The following CUBN variants were observed in gnomAD, a reference collection of about 807,000 sequenced individuals.
CUBN encodes 460 kDa receptor.
A neutral mutation model predicts 405.3 loss-of-function variants in CUBN; 282 were observed. The observed-to-expected ratio is 0.70, with a 90% CI of 0.63 to 0.77. The LOEUF is 0.77. CUBN is among the 30% of genes least tolerant of loss of function. CUBN has a pLI of 0.00. For missense variants in CUBN, 4,514 were observed against 4,475.2 expected (o/e 1.01, Z -0.25); for synonymous variants, 1,684 against 1,617.0 (o/e 1.04, Z -0.99).
At chr10:17,002,455 A>ATTT (rs11435297) in intron 28 of CUBN, among the ~76,000 whole-genome samples, 1 of 151,238 alleles carries the variant, frequency 6.6e-6, no homozygotes, top group East Asian at 1.9e-4. Flanking sequence ...TTTGAGGGTT[A>ATTT]TTTTTTTTTC....
chr10:16,990,644 C>A (rs776442878), intron 28 of CUBN, 129 bp from the exon 29 acceptor site: 5 of 715,154 alleles, frequency 7.0e-6, no homozygotes, highest in African/African-American at 1.8e-5. Flanking sequence ...CGTTAAGTTA[C>A]AATAAAGTTA....
chr10:17,070,254 T>C (rs1256174454), intron 19 of CUBN, among the ~76,000 whole-genome samples: 2 of 152,256 alleles, frequency 1.3e-5, no homozygotes, highest in East Asian at 3.8e-4. Context: ...AATAAGATAC[T>C]GTCTTGATTA....
intron 40 of CUBN, 36 bp from the exon 41 acceptor site, chr10:16,928,339 T>A: frequency 6.2e-7 from 1 of 1,608,892 alleles, no homozygotes; most frequent in Non-Finnish European, 8.5e-7. Flanking sequence ...TGAAAATACA[T>A]CTTGAGAATC....
intron 10 of CUBN, among the ~76,000 whole-genome samples, chr10:17,108,381 A>ATG (rs34953406): frequency 6.2e-4 from 94 of 150,982 alleles, no homozygotes; most frequent in East Asian, 1.4e-3. Context: ...TCACAAGTAT[A>ATG]TGTGTGTGTG....
intron 50 of CUBN, among the ~76,000 whole-genome samples, chr10:16,905,050 A>G (rs1272275588): frequency 6.6e-6 from 1 of 152,198 alleles, no homozygotes; most frequent in Non-Finnish European, 1.5e-5. Flanking sequence ...GGTAATTAAC[A>G]TTGACCTCTC....
At chr10:16,861,798 G>A (rs1286657916) in intron 59 of CUBN, among the ~76,000 whole-genome samples, 4 of 152,056 alleles carry the variant, frequency 2.6e-5, no homozygotes, top group Non-Finnish European at 5.9e-5. Flanking sequence ...GAACATCCAA[G>A]TACCATAGAT....
chr10:16,855,342 CG>C (rs1397907222), intron 59 of CUBN, among the ~76,000 whole-genome samples: 1 of 152,000 alleles, frequency 6.6e-6, no homozygotes, highest in Non-Finnish European at 1.5e-5. Context: ...CTTAGCCCTA[CG>C]ACTTGCTTTA....
chr10:17,094,600 C>G (rs1836333192), intron 14 of CUBN, among the ~76,000 whole-genome samples: 2 of 151,930 alleles, frequency 1.3e-5, no homozygotes, highest in Non-Finnish European at 2.9e-5. Flanking sequence ...AGTTGCATTT[C>G]TATACATTAA....
At chr10:16,932,461 T>C (rs1371115503) in intron 40 of CUBN, among the ~76,000 whole-genome samples, 1 of 152,050 alleles carries the variant, frequency 6.6e-6, no homozygotes, top group Non-Finnish European at 1.5e-5. Context: ...TTTATGTCTC[T>C]AACTTTATGT....
rs957929670 is a variant in CUBN, at chr10:17,075,073, CTTTTTTTTTTTTTTTT to C, written c.2302-3118_2302-3103del. Among the ~76,000 whole-genome samples the C allele has an allele frequency of 6.1e-5, 4 of 65,320 alleles. No homozygotes were observed. In the South Asian group the frequency reaches 2.0e-3, roughly 32 times the overall value. 42.9% of individuals were successfully genotyped at this position (65,320 alleles called of 152,430 possible). On this transcript the variant is annotated intron_variant, in intron 17 of 66. Coordinates refer to ENST00000377833, the MANE Select transcript of CUBN (RefSeq NM_001081.4). ...TAAAGAGAAGATTTTTCTTTGTTTT[CTTTTTTTTTTTTTTTT>C]TTTTTTTTTTTTGAGATGAAGTCTC...
chr10:16,971,284 G>C (rs1331383716), intron 31 of CUBN, among the ~76,000 whole-genome samples: 1 of 152,168 alleles, frequency 6.6e-6, no homozygotes, highest in Admixed American at 6.5e-5. Context: ...TGGACTTTGG[G>C]GTACGTTTCC....
intron 27 of CUBN, among the ~76,000 whole-genome samples, chr10:17,029,922 G>A (rs1215906838): frequency 6.6e-6 from 1 of 152,222 alleles, no homozygotes; most frequent in African/African-American, 2.4e-5. Flanking sequence ...TTACAACTGG[G>A]AAGGCTGCTC....
chr10:16,984,085 A>G lies in CUBN; in HGVS notation c.4525+20T>C. The G allele has an allele frequency of 6.2e-7, 1 of 1,613,970 alleles. No homozygotes were observed. The highest frequency in any genetic ancestry group is 8.5e-7 in the Non-Finnish European group (1 of 1,179,842). The stretch of plus-strand genomic sequence containing the variant: ...AGGGCTCGGCTTAAGTACTTTAGGA[A>G]ACCTCCTTTTCTCACTCACCTCCAG... On this transcript the variant is annotated intron_variant, in intron 30 of 66. Coordinates refer to ENST00000377833, the MANE Select transcript of CUBN (RefSeq NM_001081.4).
At chr10:16,912,516 A>G (rs1161151523) in intron 48 of CUBN, among the ~76,000 whole-genome samples, 2 of 152,210 alleles carry the variant, frequency 1.3e-5, no homozygotes, top group African/African-American at 4.8e-5. Context: ...GCAAAACAAC[A>G]TGGCAGAGAA....
intron 28 of CUBN, among the ~76,000 whole-genome samples, chr10:17,016,967 T>C (rs1290730125): frequency 1.3e-5 from 2 of 152,212 alleles, no homozygotes; most frequent in Non-Finnish European, 2.9e-5. Context: ...TATACTTCCC[T>C]CAGGTGGCCA....
intron 8 of CUBN, among the ~76,000 whole-genome samples, chr10:17,111,889 A>C (rs1836779978): frequency 2.0e-5 from 3 of 152,212 alleles, no homozygotes. Context: ...GCACCACTGC[A>C]CTCCAGCCTG....
intron 56 of CUBN, among the ~76,000 whole-genome samples, chr10:16,886,874 C>T (rs111891375): frequency 0.055 from 8,379 of 152,258 alleles, 771 homozygotes; most frequent in East Asian, 0.32. Flanking sequence ...CCGCAACTTC[C>T]GCCTCCTGGG....
intron 36 of CUBN, among the ~76,000 whole-genome samples, chr10:16,943,520 A>G (rs1842710656): frequency 6.6e-6 from 1 of 152,208 alleles, no homozygotes; most frequent in Admixed American, 6.5e-5. Flanking sequence ...GCTCAATTTT[A>G]TTACTCATAA....
At chr10:16,867,596 T>C (rs1471825619) in intron 59 of CUBN, among the ~76,000 whole-genome samples, 2 of 152,180 alleles carry the variant, frequency 1.3e-5, no homozygotes, top group South Asian at 2.1e-4. Context: ...TTTATGCAGA[T>C]GAAAAAGAGG....
Sources: allele counts gnomAD v4.1 joint callset (sites outside exome capture counted in the v4.1 genomes callset), GRCh38; gene constraint gnomAD v4.1.1; transcripts MANE v1.5; gene names NCBI Gene and HGNC (gene_info 2026-07-23, HGNC 2026-07-21).